CRTC3: variants seen among roughly 807,000 people sequenced by gnomAD.
CRTC3 encodes CREB-regulated transcription coactivator 3.
A neutral mutation model predicts 74.5 loss-of-function variants in CRTC3; 26 were observed. The ratio of observed to expected loss-of-function variants is 0.35; its 90% CI spans 0.26 to 0.48. The LOEUF is 0.48. CRTC3 is among the 20% of genes least tolerant of loss of function. CRTC3 has a pLI of 0.99. For synonymous variants in CRTC3, 377 were observed against 325.8 expected (o/e 1.16, Z -1.69); for missense variants, 760 against 787.3 (o/e 0.97, Z 0.41).
intron 9 of CRTC3, among the ~76,000 whole-genome samples, chr15:90,622,391 C>T (rs1054363593): frequency 4.7e-4 from 71 of 152,144 alleles, no homozygotes; most frequent in Admixed American, 2.2e-3. Context: ...TTCTCCCTGC[C>T]GCGCCCCTGC....
chr15:90,634,788 G>A (rs942837159), intron 11 of CRTC3: 53 of 1,274,812 alleles, frequency 4.2e-5, no homozygotes, highest in African/African-American at 1.2e-4. Flanking sequence ...TGGAAGGAGC[G>A]CTGCTAAAAC....
chr15:90,602,948 T>TA (rs1968114305), intron 4 of CRTC3, among the ~76,000 whole-genome samples: 1 of 151,608 alleles, frequency 6.6e-6, no homozygotes, highest in East Asian at 2.0e-4. Flanking sequence ...CACTCCAGCC[T>TA]GGTAACAGAG....
intron 2 of CRTC3, among the ~76,000 whole-genome samples, chr15:90,575,363 A>G (rs895507519): frequency 6.6e-6 from 1 of 152,144 alleles, no homozygotes; most frequent in Non-Finnish European, 1.5e-5. Context: ...AAAAAAAGAA[A>G]AGTTAATGCC....
chr15:90,551,194 A>G (rs1966855526), intron 2 of CRTC3, among the ~76,000 whole-genome samples: 1 of 152,172 alleles, frequency 6.6e-6, no homozygotes, highest in South Asian at 2.1e-4. Context: ...AGTTGTTCAT[A>G]AGGATCTAAT....
Position 90,617,895 on chromosome 15 carries a change from C to A in CRTC3, c.626C>A (p.Pro209His). The A allele has an allele frequency of 1.2e-6, 2 of 1,611,292 alleles. No homozygotes were observed. Among genetic ancestry groups the A allele is most frequent in the Non-Finnish European group, 1.7e-6 (2 of 1,177,576 alleles). The change falls in exon 8 of 15, where the codon CCT (proline) becomes CAT (histidine). Residue 209 changes from proline (P) to histidine (H), a missense_variant. By Grantham distance (77) the Pro-to-His change is moderately conservative (BLOSUM62 -2). Transcript: ENST00000268184. ...NNGHGEVASF[P>H]GPLKEENLLN... Reference sequence around the variant, plus strand: ...TTTTTCCCTTTAGTAGCATCTTTCCCTGGCCCATTGAAAGAAGAGAATCTG... The same window carrying A: ...TTTTTCCCTTTAGTAGCATCTTTCCATGGCCCATTGAAAGAAGAGAATCTG...
At chr15:90,535,718 A>G (rs1243979879) in intron 1 of CRTC3, among the ~76,000 whole-genome samples, 1 of 152,174 alleles carries the variant, frequency 6.6e-6, no homozygotes, top group African/African-American at 2.4e-5. Context: ...TGGAGGAGAG[A>G]GAGAAGATGG....
At chr15:90,598,051 C>G in intron 3 of CRTC3, 1 of 183,746 alleles carries the variant, frequency 5.4e-6, no homozygotes, top group Non-Finnish European at 1.1e-5. Context: ...TAGGTGGGTT[C>G]TGTTAACCAG....
intron 2 of CRTC3, among the ~76,000 whole-genome samples, chr15:90,565,386 T>A (rs191693148): frequency 6.6e-6 from 1 of 152,376 alleles, no homozygotes; most frequent in Admixed American, 6.5e-5. Context: ...TAAATGCCAA[T>A]AAAGGCTAAT....
At chr15:90,582,986 T>G (rs1771874465) in intron 2 of CRTC3, among the ~76,000 whole-genome samples, 1 of 152,146 alleles carries the variant, frequency 6.6e-6, no homozygotes, top group Non-Finnish European at 1.5e-5. Flanking sequence ...TGGGCGTGTT[T>G]TATGCATTGT....
intron 3 of CRTC3, among the ~76,000 whole-genome samples, chr15:90,601,181 C>T (rs189724592): frequency 3.9e-4 from 60 of 152,254 alleles, no homozygotes; most frequent in African/African-American, 1.2e-3. Flanking sequence ...ATGAAAACAG[C>T]GCCCCTCTGC....
intron 11 of CRTC3, among the ~76,000 whole-genome samples, chr15:90,630,372 A>ATGT (rs1310134878): frequency 6.6e-6 from 1 of 152,260 alleles, no homozygotes; most frequent in Non-Finnish European, 1.5e-5. Context: ...AATGCTAAGT[A>ATGT]TGTTGAGGAT....
chr15:90,614,966 A>G (rs8031807), intron 7 of CRTC3, among the ~76,000 whole-genome samples: 1,945 of 152,268 alleles, frequency 0.013, 47 homozygotes, highest in African/African-American at 0.045. Context: ...CAGGAGGCTG[A>G]GGCAGGAGAA....
chr15:90,636,622 A>C (rs1193125023), intron 11 of CRTC3, among the ~76,000 whole-genome samples: 22 of 148,816 alleles, frequency 1.5e-4, no homozygotes, highest in Middle Eastern at 3.5e-3. Flanking sequence ...GAACAGGCAA[A>C]CTACAGAATG....
rs146181029 is a variant in CRTC3 at position 90,554,155 on chromosome 15, C to T, written c.231+14018C>T. ...AGAATAAATGAGTTGTTATACATAA[C>T]ACCCTTAGAACAGTGGTTGGCACAA... On this transcript the variant is annotated intron_variant, in intron 2 of 14. Coordinates refer to ENST00000268184, the MANE Select transcript of CRTC3 (RefSeq NM_022769.5). Among the ~76,000 whole-genome samples the T allele has an allele frequency of 5.7e-3, 864 of 151,810 alleles. 4 individuals carry two copies. Among genetic ancestry groups the T allele is most frequent in the African/African-American group, 0.02 (821 of 41,410 alleles).
chr15:90,589,420 T>TAGTTCACTG (rs1236875140), intron 2 of CRTC3, among the ~76,000 whole-genome samples: 1 of 151,916 alleles, frequency 6.6e-6, no homozygotes, highest in East Asian at 1.9e-4. Flanking sequence ...GGCTCAATCA[T>TAGTTCACTG]AGTTCACTGT....
intron 2 of CRTC3, among the ~76,000 whole-genome samples, chr15:90,587,277 C>T (rs992322423): frequency 2.0e-5 from 3 of 152,170 alleles, no homozygotes; most frequent in Non-Finnish European, 4.4e-5. Context: ...GGAAGTACTC[C>T]GGGAGTATGG....
chr15:90,532,677 T>C (rs1966646412), intron 1 of CRTC3, among the ~76,000 whole-genome samples: 1 of 152,070 alleles, frequency 6.6e-6, no homozygotes, highest in South Asian at 2.1e-4. Flanking sequence ...GACTAGACTG[T>C]AGAGGATTTT....
intron 2 of CRTC3, among the ~76,000 whole-genome samples, chr15:90,554,759 A>G (rs571247780): frequency 3.3e-5 from 5 of 152,360 alleles, no homozygotes; most frequent in Non-Finnish European, 7.3e-5. Context: ...CGCCTGGTGC[A>G]GTAAATGCTT....
chr15:90,641,391 A>C lies in CRTC3; in HGVS notation c.1651+192A>C, dbSNP rs115587041. ...CACAGGGCGGTGGGCCTGGTAGTCA[A>C]AGCCTTTTCTGAAAGATTTCATCTG... On this transcript the variant is annotated intron_variant, in intron 14 of 14. Transcript: ENST00000268184. The C allele has an allele frequency of 5.3e-3, 3,027 of 571,748 alleles. 87 individuals carry two copies. Among genetic ancestry groups the C allele is most frequent in the African/African-American group, 0.052 (2,751 of 53,290 alleles). The allele number at this position is 571,748 out of a possible 1,614,324, so 35.4% of individuals were successfully genotyped here.
Sources: allele counts gnomAD v4.1 joint callset (sites outside exome capture counted in the v4.1 genomes callset), GRCh38; gene constraint gnomAD v4.1.1; transcripts MANE v1.5; gene names NCBI Gene and HGNC (gene_info 2026-07-23, HGNC 2026-07-21).